Variants in RHOA observed in about 807,000 individuals in gnomAD.
The protein encoded by RHOA is ras homolog family member A.
RHOA carries 3 observed loss-of-function variants against 17.5 expected under a neutral mutation model. The observed-to-expected ratio is 0.17, with a 90% CI of 0.08 to 0.44. The LOEUF (loss-of-function observed/expected upper bound fraction) is 0.44, where lower values mean the gene tolerates loss of function less well. RHOA is among the 20% of genes least tolerant of loss of function. RHOA has a pLI of 0.99. For synonymous variants in RHOA, 98 were observed against 88.4 expected, an observed-to-expected ratio of 1.11 and a Z score of -0.61; for missense variants, 56 against 242.3, an observed-to-expected ratio of 0.23 and a Z score of 5.10.
chr3:49,393,676 C>CTGTGTGTGTGTGTGTG (rs71080504), intron 1 of RHOA, among the ~76,000 whole-genome samples: 8 of 10,356 alleles, frequency 7.7e-4, no homozygotes, highest in African/African-American at 1.9e-3. Context: ...AATTCTCTCT[C>CTGTGTGTGTGTGTGTG]TGTGTGTGTG....
chr3:49,365,912 A>G (rs1354484016), intron 3 of RHOA, among the ~76,000 whole-genome samples: 1 of 152,088 alleles, frequency 6.6e-6, no homozygotes. Flanking sequence ...AAAATTAACC[A>G]AGCGCAGCAG....
chr3:49,366,744 C>T (rs1274087139), intron 3 of RHOA: 1 of 152,268 alleles, frequency 6.6e-6, no homozygotes, highest in Non-Finnish European at 1.5e-5. Context: ...TGACCTTAAA[C>T]AAGTGGCTCA....
intron 1 of RHOA, among the ~76,000 whole-genome samples, chr3:49,388,477 CT>C (rs1457080968): frequency 9.9e-5 from 15 of 152,180 alleles, no homozygotes; most frequent in African/African-American, 3.4e-4. Flanking sequence ...GCCTGCCTTG[CT>C]TATCTGGGTG....
At chr3:49,376,079 G>A (rs1431972357) in intron 1 of RHOA, among the ~76,000 whole-genome samples, 3 of 151,880 alleles carry the variant, frequency 2.0e-5, no homozygotes. Context: ...GACCTCAGGT[G>A]ATCCACCTGC....
chr3:49,402,407 T>C (rs1466910257), intron 1 of RHOA, among the ~76,000 whole-genome samples: 1 of 152,138 alleles, frequency 6.6e-6, no homozygotes. Flanking sequence ...AATAAAAAAC[T>C]AGGCCGGGTG....
intron 1 of RHOA, among the ~76,000 whole-genome samples, chr3:49,378,788 G>A (rs922383170): frequency 6.6e-6 from 1 of 151,786 alleles, no homozygotes; most frequent in Non-Finnish European, 1.5e-5. Context: ...TACAGATAGC[G>A]TTTCACTATA....
At chr3:49,398,890 A>T (rs2048667394) in intron 1 of RHOA, among the ~76,000 whole-genome samples, 1 of 133,102 alleles carries the variant, frequency 7.5e-6, no homozygotes, top group Non-Finnish European at 1.6e-5. Flanking sequence ...CTGTCTGAGT[A>T]TTACAGTATT....
intron 1 of RHOA, among the ~76,000 whole-genome samples, chr3:49,389,716 C>CCGAGGCA (rs2048463286): frequency 6.6e-6 from 1 of 151,484 alleles, no homozygotes; most frequent in Non-Finnish European, 1.5e-5. Context: ...CCGAGGCAGG[C>CCGAGGCA]GGATCACGAG....
chr3:49,371,674 G>A (rs1287020157), intron 2 of RHOA, among the ~76,000 whole-genome samples: 2 of 152,158 alleles, frequency 1.3e-5, no homozygotes, highest in Non-Finnish European at 2.9e-5. Flanking sequence ...CAGGTAGCCT[G>A]TAATATGCTC....
At chr3:49,392,010 T>C (rs2107881136) in intron 1 of RHOA, among the ~76,000 whole-genome samples, 1 of 151,786 alleles carries the variant, frequency 6.6e-6, no homozygotes, top group Non-Finnish European at 1.5e-5. Flanking sequence ...GTATTTTTAG[T>C]AGAGACAGGG....
Position 49,360,020 on chromosome 3 carries a change from C to A in RHOA, c.*189G>T. On this transcript the variant is annotated 3_prime_UTR_variant, in exon 5 of 5. Transcript: ENST00000418115. ...CTGTTAGAGCAGTGTCAAAAGGACC[C>A]TGGTGGGCCAGACGGGTTGGACATC... 1.6e-6 allele frequency: 1 copy of A among 606,202 alleles called. No individual in the cohort carries two copies. Among genetic ancestry groups the A allele is most frequent in the Admixed American group, 3.5e-5 (1 of 28,490 alleles). 37.6% of individuals were successfully genotyped at this position (606,202 alleles called of 1,614,324 possible).
At chr3:49,370,699 C>G (rs1377449834) in intron 2 of RHOA, among the ~76,000 whole-genome samples, 1 of 152,162 alleles carries the variant, frequency 6.6e-6, no homozygotes, top group Non-Finnish European at 1.5e-5. Flanking sequence ...TGCCTGGGCT[C>G]TGAATACAAG....
intron 2 of RHOA, among the ~76,000 whole-genome samples, chr3:49,374,285 C>T (rs1362406591): frequency 6.6e-6 from 1 of 152,092 alleles, no homozygotes; most frequent in Non-Finnish European, 1.5e-5. Context: ...GGAGGCAGAG[C>T]TTGAACTAGT....
In RHOA at chr3:49,406,231, CCAAA is replaced by C. The variant is rs374872281; in HGVS notation, c.-3+5585_-3+5588del. 3.2e-4 allele frequency among the ~76,000 whole-genome samples: 49 copies of C among 152,118 alleles called. No homozygotes were observed. The South Asian group carries it at 8.7e-3, about 27-fold the overall frequency. Reference sequence around the variant, plus strand: ...TCCTTAACCTCTCAAAGCCTATATCCCAAACAAAGTTACAAAAAAAAATCCCAGT... The same window carrying C: ...TCCTTAACCTCTCAAAGCCTATATCCCAAAGTTACAAAAAAAAATCCCAGT... On this transcript the variant is annotated intron_variant, in intron 1 of 4. Coordinates refer to ENST00000418115, the MANE Select transcript of RHOA (RefSeq NM_001664.4).
chr3:49,368,410 G>A lies in RHOA; in HGVS notation c.277+18C>T, dbSNP rs747738115. On this transcript the variant is annotated intron_variant, in intron 3 of 4. Coordinates refer to ENST00000418115, the MANE Select transcript of RHOA (RefSeq NM_001664.4). ...GCTACACAGGCAGTGACAAATATCA[G>A]GGTGCAGGGCCACTCACCTAAACTA... is the stretch of plus-strand genomic sequence containing the variant. 8.7e-6 allele frequency: 14 copies of A among 1,603,668 alleles called. No individual in the cohort carries two copies. The highest frequency in any genetic ancestry group is 1.2e-5 in the Non-Finnish European group (14 of 1,172,322).
chr3:49,389,215 C>T (rs945504213), intron 1 of RHOA, among the ~76,000 whole-genome samples: 1 of 151,866 alleles, frequency 6.6e-6, no homozygotes, highest in Non-Finnish European at 1.5e-5. Flanking sequence ...GGCCTGGTGG[C>T]GTCCACCTGT....
chr3:49,399,054 C>CAAAAAAAAAAAAAAAAAAAAAAAAAAAA (rs10530558), intron 1 of RHOA, among the ~76,000 whole-genome samples: 2 of 24,840 alleles, frequency 8.1e-5, no homozygotes, highest in African/African-American at 1.6e-4. Flanking sequence ...GACTCCGTCT[C>CAAAAAAAAAAAAAAAAAAAAAAAAAAAA]AAAAAAAAAA....
chr3:49,384,791 T>A (rs2048370176), intron 1 of RHOA, among the ~76,000 whole-genome samples: 1 of 152,122 alleles, frequency 6.6e-6, no homozygotes, highest in Non-Finnish European at 1.5e-5. Context: ...CTGGGTGCAG[T>A]GGCTCACGCC....
intron 1 of RHOA, among the ~76,000 whole-genome samples, chr3:49,398,350 C>T (rs1196663290): frequency 7.4e-6 from 1 of 135,522 alleles, no homozygotes; most frequent in Non-Finnish European, 1.6e-5. Flanking sequence ...AAGACTTTGT[C>T]AAAAAAAAAA....
Sources: allele counts gnomAD v4.1 joint callset (sites outside exome capture counted in the v4.1 genomes callset), GRCh38; gene constraint gnomAD v4.1.1; transcripts MANE v1.5; gene names NCBI Gene and HGNC (gene_info 2026-07-23, HGNC 2026-07-21).